Variants in PGBD2 observed in about 807,000 individuals in gnomAD.
PGBD2 encodes the protein piggyBac transposable element-derived protein 2.
A neutral mutation model predicts 8.1 loss-of-function variants in PGBD2; 6 were observed. The observed-to-expected ratio is 0.74, with a 90% CI of 0.40 to 1.46. The LOEUF (loss-of-function observed/expected upper bound fraction) is 1.46. Among genes scored for constraint, PGBD2 ranks in the 40% most tolerant of loss-of-function variants. The pLI is 0.02. For synonymous variants in PGBD2, 318 were observed against 272.2 expected, an observed-to-expected ratio of 1.17 and a Z score of -1.66; for missense variants, 802 against 739.0, an observed-to-expected ratio of 1.09 and a Z score of -0.99.
chr1:248,919,715 A>T (rs1662244917), downstream of PGBD2: 1 of 166,418 alleles, frequency 6.0e-6, no homozygotes, highest in Admixed American at 6.5e-5. Flanking sequence ...AGCAGTGTTC[A>T]AGGGTTCCCT....
At chr1:248,874,307 C>T in the PGBD2 span, among the ~76,000 whole-genome samples, 1 of 152,146 alleles carries the variant, frequency 6.6e-6, no homozygotes, top group Non-Finnish European at 1.5e-5. Context: ...GGGTTCGATT[C>T]CCGGTCAGGA....
the PGBD2 span, among the ~76,000 whole-genome samples, chr1:248,927,123 G>A: frequency 6.6e-6 from 1 of 152,188 alleles, no homozygotes; most frequent in Non-Finnish European, 1.5e-5. Flanking sequence ...TGCAGAAGGA[G>A]TATGTCGCCC....
Position 248,913,704 on chromosome 1 carries a change from A to T in PGBD2, c.-47-112A>T, listed in dbSNP as rs1661991062. On this transcript the variant is annotated intron_variant, in intron 1 of 2. Coordinates refer to ENST00000329291, the MANE Select transcript of PGBD2 (RefSeq NM_170725.3). ...TAACCAGTCGACCCAGACACTATTA[A>T]GGTGGTGAATCTTAAGTCAAATATA... 5 of 687,932 alleles carry T rather than the reference A, an allele frequency of 7.3e-6. No individual in the cohort carries two copies. In the Admixed American group the frequency reaches 9.1e-5, roughly 13 times the overall value. 42.6% of individuals were successfully genotyped at this position (687,932 alleles called of 1,614,324 possible).
chr1:248,877,232 A>G, the PGBD2 span, among the ~76,000 whole-genome samples: 3 of 152,192 alleles, frequency 2.0e-5, no homozygotes, highest in African/African-American at 7.2e-5. Flanking sequence ...GTTGTGTCCA[A>G]AATGAGCCTG....
the PGBD2 span, among the ~76,000 whole-genome samples, chr1:248,893,541 A>G: frequency 3.3e-5 from 5 of 152,200 alleles, no homozygotes; most frequent in African/African-American, 1.2e-4. Context: ...ATGACTGCAA[A>G]TAGTAGGATT....
At chr1:248,886,728 C>T in the PGBD2 span, among the ~76,000 whole-genome samples, 1 of 152,180 alleles carries the variant, frequency 6.6e-6, no homozygotes, top group African/African-American at 2.4e-5. Flanking sequence ...GCCTGGTCTT[C>T]TGGGAATGAG....
intron 2 of PGBD2, among the ~76,000 whole-genome samples, chr1:248,914,885 G>A (rs60844222): frequency 0.17 from 26,166 of 152,084 alleles, 4,962 homozygotes; most frequent in African/African-American, 0.47. Flanking sequence ...CATTGCACCT[G>A]CAGCCTCGCT....
chr1:248,903,505 T>C (rs1482938534), upstream of PGBD2, among the ~76,000 whole-genome samples: 1 of 152,244 alleles, frequency 6.6e-6, no homozygotes, highest in Admixed American at 6.5e-5. Context: ...CTTAACTTTA[T>C]GCAGGACATC....
rs186249394 is a variant in PGBD2 at position 248,913,792 on chromosome 1, A to T, written c.-47-24A>T. 269 of 1,255,848 alleles carry T rather than the reference A, an allele frequency of 2.1e-4. 2 individuals carry two copies. In the East Asian group the frequency reaches 3.9e-3, roughly 18 times the overall value. The allele number at this position is 1,255,848 out of a possible 1,614,324, so 77.8% of individuals were successfully genotyped here. Reference sequence around the variant, plus strand: ...GCTTCTTAAGATACAATTTTTTTTTAAATTGACTTTTCTTGTCTTACAGGT... The same window carrying T: ...GCTTCTTAAGATACAATTTTTTTTTTAATTGACTTTTCTTGTCTTACAGGT... On this transcript the variant is annotated intron_variant, in intron 1 of 2. Transcript: ENST00000329291.
intron 2 of PGBD2, among the ~76,000 whole-genome samples, chr1:248,916,332 T>G (rs1243099351): frequency 6.6e-6 from 1 of 152,106 alleles, no homozygotes; most frequent in Non-Finnish European, 1.5e-5. Context: ...GAGAATCGCT[T>G]GAACCCAGGA....
the PGBD2 span, among the ~76,000 whole-genome samples, chr1:248,876,268 A>G: frequency 6.6e-6 from 1 of 152,156 alleles, no homozygotes; most frequent in Non-Finnish European, 1.5e-5. Flanking sequence ...TTGGCCTCCC[A>G]AAGTGCTAGG....
chr1:248,913,729 A>T, intron 1 of PGBD2, 87 bp from the exon 2 acceptor site: 2 of 755,898 alleles, frequency 2.6e-6, no homozygotes, highest in East Asian at 2.4e-5. Context: ...AGTCAAATAT[A>T]TTTTTCCCTT....
downstream of PGBD2, among the ~76,000 whole-genome samples, chr1:248,924,689 T>A (rs1017856527): frequency 6.6e-6 from 1 of 152,212 alleles, no homozygotes; most frequent in Non-Finnish European, 1.5e-5. Context: ...ATTCAAAAAG[T>A]AGCAAAGACA....
chr1:248,902,595 C>A (rs1269581925), upstream of PGBD2, among the ~76,000 whole-genome samples: 3 of 152,148 alleles, frequency 2.0e-5, no homozygotes, highest in African/African-American at 4.8e-5. Context: ...TGTAATCAAC[C>A]CAAATGCCCA....
the PGBD2 span, among the ~76,000 whole-genome samples, chr1:248,884,002 C>T: frequency 6.6e-6 from 1 of 152,080 alleles, no homozygotes; most frequent in Admixed American, 6.6e-5. Context: ...AAATTATTTG[C>T]TAAGGCTGAT....
chr1:248,883,423 T>C, the PGBD2 span, among the ~76,000 whole-genome samples: 1 of 151,934 alleles, frequency 6.6e-6, no homozygotes, highest in Non-Finnish European at 1.5e-5. Flanking sequence ...CACCCGGTCC[T>C]TTGCCCATTT....
chr1:248,893,208 T>G, the PGBD2 span, among the ~76,000 whole-genome samples: 1 of 152,232 alleles, frequency 6.6e-6, no homozygotes, highest in Non-Finnish European at 1.5e-5. Flanking sequence ...TTTCCTTTTA[T>G]CCCTTTGTTG....
At chr1:248,925,004 CGGAG>C in the PGBD2 span, among the ~76,000 whole-genome samples, 1 of 151,618 alleles carries the variant, frequency 6.6e-6, no homozygotes, top group Non-Finnish European at 1.5e-5. Context: ...TTAATTCTAA[CGGAG>C]GGCTTTTTTT....
At chr1:248,929,980 G>A in the PGBD2 span, among the ~76,000 whole-genome samples, 4 of 152,180 alleles carry the variant, frequency 2.6e-5, no homozygotes, top group Non-Finnish European at 4.4e-5. Flanking sequence ...GAGTTTCGTT[G>A]TCCTTAAGAC....
Sources: gnomAD v4.1 joint callset for allele counts (sites outside exome capture counted in the v4.1 genomes callset) on GRCh38, gnomAD v4.1.1 for gene constraint, MANE v1.5 for transcripts, NCBI Gene and HGNC (gene_info 2026-07-23, HGNC 2026-07-21) for gene names.